KIAA1217: variants seen among roughly 807,000 people sequenced by gnomAD.
KIAA1217 encodes KIAA1217.
In KIAA1217, 88 loss-of-function variants were observed where a neutral mutation model predicts 163.9. That is an observed-to-expected ratio of 0.54 (90% CI 0.45 to 0.64). The LOEUF (loss-of-function observed/expected upper bound fraction) is 0.64. KIAA1217 is among the 30% of genes least tolerant of loss of function. The pLI, the probability that KIAA1217 is intolerant of heterozygous loss-of-function variation, is 0.00. For synonymous variants in KIAA1217, 903 were observed against 923.1 expected, an observed-to-expected ratio of 0.98 and a Z score of 0.39; for missense variants, 2,372 against 2,475.0, an observed-to-expected ratio of 0.96 and a Z score of 0.88.
At chr10:23,779,596 C>T (rs530290047) in intron 1 of KIAA1217, among the ~76,000 whole-genome samples, 3 of 152,162 alleles carry the variant, frequency 2.0e-5, no homozygotes, top group Non-Finnish European at 2.9e-5. Context: ...TGTTATTTTA[C>T]GTTTACCCTG....
intron 2 of KIAA1217, among the ~76,000 whole-genome samples, chr10:24,371,837 C>T (rs570484779): frequency 6.6e-6 from 1 of 152,286 alleles, no homozygotes; most frequent in South Asian, 2.1e-4. Flanking sequence ...CTGATCTATT[C>T]TTTAAAAATA....
At chr10:24,336,644 A>T (rs1055853336) in intron 2 of KIAA1217, among the ~76,000 whole-genome samples, 2 of 152,202 alleles carry the variant, frequency 1.3e-5, no homozygotes, top group Admixed American at 6.5e-5. Flanking sequence ...TTGCTGAGCT[A>T]TCTATACTTT....
chr10:24,169,202 G>T (rs2065499167), intron 2 of KIAA1217, among the ~76,000 whole-genome samples: 1 of 152,292 alleles, frequency 6.6e-6, no homozygotes, highest in Non-Finnish European at 1.5e-5. Flanking sequence ...GAGCATTAAA[G>T]CTCAGAACTT....
At chr10:24,384,213 A>G (rs890551572) in intron 3 of KIAA1217, among the ~76,000 whole-genome samples, 1 of 152,158 alleles carries the variant, frequency 6.6e-6, no homozygotes, top group Non-Finnish European at 1.5e-5. Flanking sequence ...CTCAATCCAT[A>G]GAGTTTTAAG....
chr10:24,052,153 C>A (rs1849562386), intron 2 of KIAA1217, among the ~76,000 whole-genome samples: 1 of 152,038 alleles, frequency 6.6e-6, no homozygotes, highest in Non-Finnish European at 1.5e-5. Context: ...ATTGAGCAGG[C>A]AATGGTTGTG....
At chr10:24,167,133 G>A (rs2065387836) in intron 2 of KIAA1217, among the ~76,000 whole-genome samples, 1 of 151,974 alleles carries the variant, frequency 6.6e-6, no homozygotes, top group South Asian at 2.1e-4. Flanking sequence ...TTGAATGACA[G>A]TCAACTGGTA....
intron 1 of KIAA1217, among the ~76,000 whole-genome samples, chr10:23,847,161 A>G (rs1319898811): frequency 6.6e-6 from 1 of 152,134 alleles, no homozygotes; most frequent in African/African-American, 2.4e-5. Context: ...GGATTTTCAC[A>G]TCGATGTTCA....
At position 23,751,028 on chromosome 10, in the gene KIAA1217, T is replaced by C. The variant is rs140812900; in HGVS notation, c.-321+55794T>C. 9.8e-3 allele frequency among the ~76,000 whole-genome samples: 1,482 copies of C among 151,504 alleles called. 35 individuals are homozygous for C. The highest frequency in any genetic ancestry group is 9.6e-3 in the Non-Finnish European group (650 of 67,854). On this transcript the variant is annotated intron_variant, in intron 1 of 18. Coordinates refer to the KIAA1217 transcript ENST00000376462. ...TTTGTTTTTTTTTTGTTTGTTTGTT[T>C]TGGTTTTTGTTTTTTTGGATACAGA...
intron 2 of KIAA1217, among the ~76,000 whole-genome samples, chr10:24,253,808 G>A (rs1206548870): frequency 7.2e-5 from 11 of 151,864 alleles, no homozygotes; most frequent in Non-Finnish European, 1.2e-4. Flanking sequence ...CCAGCTGCTC[G>A]GGAGGTTGAA....
chr10:23,761,398 A>G (rs1358288174), intron 1 of KIAA1217, among the ~76,000 whole-genome samples: 2 of 152,202 alleles, frequency 1.3e-5, no homozygotes, highest in African/African-American at 4.8e-5. Context: ...ATTTAGTGCT[A>G]TAAATTTCCC....
intron 2 of KIAA1217, among the ~76,000 whole-genome samples, chr10:24,053,766 G>A (rs1849684685): frequency 6.6e-6 from 1 of 152,044 alleles, no homozygotes; most frequent in African/African-American, 2.4e-5. Flanking sequence ...AAATAACCAG[G>A]TTATCTGGAT....
intron 1 of KIAA1217, among the ~76,000 whole-genome samples, chr10:23,904,123 C>T (rs1207542529): frequency 1.3e-5 from 2 of 151,994 alleles, no homozygotes; most frequent in South Asian, 4.2e-4. Flanking sequence ...TGATGATGAA[C>T]CATTATTATG....
chr10:23,761,554 G>A (rs532379815), intron 1 of KIAA1217, among the ~76,000 whole-genome samples: 1 of 152,120 alleles, frequency 6.6e-6, no homozygotes, highest in Admixed American at 6.5e-5. Context: ...CCATGTAATT[G>A]TATGGTTTTG....
At chr10:24,476,869 A>G (rs2064109519) in intron 6 of KIAA1217, among the ~76,000 whole-genome samples, 1 of 151,932 alleles carries the variant, frequency 6.6e-6, no homozygotes, top group Non-Finnish European at 1.5e-5. Context: ...ACAGACACAC[A>G]CAGACACACG....
At chr10:23,823,785 T>C (rs1384299919) in intron 1 of KIAA1217, among the ~76,000 whole-genome samples, 2 of 152,052 alleles carry the variant, frequency 1.3e-5, no homozygotes, top group African/African-American at 2.4e-5. Flanking sequence ...TAATGGCAAG[T>C]TGGGATGGGC....
At chr10:23,825,910 C>T (rs1275540158) in intron 1 of KIAA1217, among the ~76,000 whole-genome samples, 1 of 152,092 alleles carries the variant, frequency 6.6e-6, no homozygotes, top group Non-Finnish European at 1.5e-5. Flanking sequence ...CAGTATCAAC[C>T]TGGGGTGGTG....
intron 1 of KIAA1217, among the ~76,000 whole-genome samples, chr10:23,901,818 G>C (rs1296804812): frequency 6.6e-6 from 1 of 151,136 alleles, no homozygotes; most frequent in East Asian, 2.0e-4. Flanking sequence ...GCCTTAACCA[G>C]GAGAATCGTT....
intron 1 of KIAA1217, among the ~76,000 whole-genome samples, chr10:23,930,583 G>A (rs891337051): frequency 1.3e-5 from 2 of 152,162 alleles, no homozygotes; most frequent in African/African-American, 2.4e-5. Flanking sequence ...AATTGGCAGG[G>A]CCTTTCAGAA....
At chr10:24,130,985 A>AT (rs1254090027) in intron 2 of KIAA1217, among the ~76,000 whole-genome samples, 3 of 152,226 alleles carry the variant, frequency 2.0e-5, no homozygotes, top group African/African-American at 7.2e-5. Context: ...TGAGATAGTG[A>AT]TTACAGTTCT....
Sources: allele counts gnomAD v4.1 joint callset (sites outside exome capture counted in the v4.1 genomes callset), GRCh38; gene constraint gnomAD v4.1.1; transcripts MANE v1.5; gene names NCBI Gene and HGNC (gene_info 2026-07-23, HGNC 2026-07-21).